TAPBP: variants seen among roughly 807,000 people sequenced by gnomAD.
TAPBP encodes TAP binding protein.
In TAPBP, 38 loss-of-function variants were observed where a neutral mutation model predicts 45.7. The ratio of observed to expected loss-of-function variants is 0.83; its 90% CI spans 0.64 to 1.09. The LOEUF (loss-of-function observed/expected upper bound fraction) is 1.09. Among genes scored for constraint, TAPBP ranks in the 50% least tolerant of loss-of-function variants. The probability of loss-of-function intolerance (pLI) is 0.00; values close to 1 mark genes in which losing one functional copy is unlikely to be tolerated. For missense variants in TAPBP, 513 were observed against 587.3 expected, an observed-to-expected ratio of 0.87 and a Z score of 1.31; for synonymous variants, 226 against 254.8, an observed-to-expected ratio of 0.89 and a Z score of 1.08.
intron 3 of TAPBP, among the ~76,000 whole-genome samples, chr6:33,312,508 T>C (rs1283738169): frequency 2.6e-5 from 4 of 152,192 alleles, no homozygotes; most frequent in African/African-American, 9.7e-5. Context: ...ATTCTTGAAT[T>C]ATCTGCACAG....
chr6:33,299,829 G>A lies in TAPBP; in HGVS notation c.*1931C>T, dbSNP rs1390624478. The A allele has an allele frequency of 6.6e-6, 1 of 152,288 alleles. No individual in the cohort carries two copies. Among genetic ancestry groups the A allele is most frequent in the African/African-American group, 2.4e-5 (1 of 41,456 alleles). The allele number at this position is 152,288 out of a possible 1,614,324, so 9.4% of individuals were successfully genotyped here. A position where few individuals can be genotyped will look rare whatever the true frequency, so the allele number is the denominator to read the frequency against. On this transcript the variant is annotated 3_prime_UTR_variant, in exon 8 of 8. Coordinates refer to ENST00000434618, the MANE Select transcript of TAPBP (RefSeq NM_003190.5). This position sits in a 1 kb window ranked among gnomAD's most constrained non-coding sequence, Gnocchi z 5.0. ...CGTCAACATCCAGCAGCTACTTGAT[G>A]AGCGCCCTCCAGTGGGCCTTAGGTC...
In TAPBP at chr6:33,313,378, G is replaced by A. The variant is rs1232909856; in HGVS notation, c.308C>T (p.Ala103Val). 1.2e-6 allele frequency: 2 copies of A among 1,612,804 alleles called. No homozygotes were observed. Among genetic ancestry groups the A allele is most frequent in the Non-Finnish European group, 1.7e-6 (2 of 1,179,668 alleles). Residue 103 changes from alanine (A) to valine (V), a missense_variant, in exon 3 of 8, where the codon GCG (alanine) becomes GTG (valine). Transcript: ENST00000434618. The surrounding 1 kb of genome is among the most constrained non-coding windows in gnomAD (Gnocchi z 7.2). ...MSRFVPLPAS[A>V]KWASGLTPAQ... ...GGGGGTCAGGCCGCTGGCCCATTTC[G>A]CAGAGGCGGGGAGAGGCACGAAGCG...
chr6:33,312,277 T>C (rs956062417), intron 3 of TAPBP, among the ~76,000 whole-genome samples: 1 of 152,084 alleles, frequency 6.6e-6, no homozygotes. Context: ...GGTTTCAGCG[T>C]GGGTTTCAAG....
At chr6:33,307,298 A>C (rs1363621641) in intron 3 of TAPBP, among the ~76,000 whole-genome samples, 7 of 152,152 alleles carry the variant, frequency 4.6e-5, no homozygotes, top group African/African-American at 1.7e-4. Flanking sequence ...AAAACTAAAT[A>C]AATAAATAAA....
At chr6:33,303,536 C>T in intron 7 of TAPBP, 1 of 566,060 alleles carries the variant, frequency 1.8e-6, no homozygotes, top group Non-Finnish European at 3.1e-6. Context: ...GCAAATATTC[C>T]AAAGTCTGAA....
chr6:33,304,180 A>G lies in TAPBP; in HGVS notation c.1248T>C (p.Leu416=), dbSNP rs2150959869. The G allele has an allele frequency of 3.1e-6, 5 of 1,613,680 alleles. No homozygotes were observed. The highest frequency in any genetic ancestry group is 4.2e-6 in the Non-Finnish European group (5 of 1,179,920). ...CAAGCAGAAGAAAGGCAGACAGGAA[A>G]AGGCCTACGCTGTCCTCAAGGGAGG... ...SGPSLEDSVG[L]FLSAFLLLGL... Residue 416 remains leucine (L), a synonymous_variant, in exon 6 of 8, where the codon CTT becomes CTC. Transcript: ENST00000434618.
intron 3 of TAPBP, among the ~76,000 whole-genome samples, chr6:33,312,702 G>T (rs1179522040): frequency 6.6e-6 from 1 of 152,258 alleles, no homozygotes; most frequent in Non-Finnish European, 1.5e-5. Context: ...AGGTCAACGC[G>T]CTAGAGTGCA....
chr6:33,301,553 G>A lies in TAPBP; in HGVS notation c.*207C>T, dbSNP rs111268855. The A allele has an allele frequency of 2.3e-4, 137 of 587,182 alleles. No individual in the cohort carries two copies. Among genetic ancestry groups the A allele is most frequent in the African/African-American group, 2.0e-3 (103 of 52,446 alleles). 36.4% of individuals were successfully genotyped at this position (587,182 alleles called of 1,614,324 possible). A position where few individuals can be genotyped will look rare whatever the true frequency, so the allele number is the denominator to read the frequency against. On this transcript the variant is annotated 3_prime_UTR_variant, in exon 8 of 8. Coordinates refer to ENST00000434618, the MANE Select transcript of TAPBP (RefSeq NM_003190.5). ...CATGCCACTGCACTGCAGCCTGGGC[G>A]GAAGAGTGAGACTCCGTCTCAAAAA... is the stretch of plus-strand genomic sequence containing the variant.
chr6:33,307,779 C>T (rs146841453), intron 3 of TAPBP, among the ~76,000 whole-genome samples: 1 of 152,172 alleles, frequency 6.6e-6, no homozygotes, highest in East Asian at 1.9e-4. Context: ...TATCCATATG[C>T]AATACAGGGA....
chr6:33,304,935 C>A (rs2071889), intron 4 of TAPBP, 54 bp downstream of exon 4: 816,910 of 1,591,618 alleles, frequency 0.51, 211,658 homozygotes, highest in South Asian at 0.63. Flanking sequence ...TATTACGGTC[C>A]CCACAATCCA....
rs770150271 is a variant in TAPBP at position 33,304,121 on chromosome 6, CACTT to C, written c.1300+3_1300+6del. 67 of 1,612,838 alleles carry C rather than the reference CACTT, an allele frequency of 4.2e-5. No homozygotes were observed. Among genetic ancestry groups the C allele is most frequent in the South Asian group, 2.6e-4 (24 of 90,978 alleles). On this transcript the variant is annotated splice_donor_5th_base_variant and intron_variant, in intron 6 of 7. Coordinates refer to ENST00000434618, the MANE Select transcript of TAPBP (RefSeq NM_003190.5). ...CAGGTCATGGTCAGGGTAGGGCTGA[CACTT>C]ACCAGCCCAGCCCAGTGCCTTGAAG... is the stretch of plus-strand genomic sequence containing the variant.
intron 7 of TAPBP, among the ~76,000 whole-genome samples, chr6:33,302,087 C>T (rs1266575684): frequency 6.6e-6 from 1 of 151,796 alleles, no homozygotes; most frequent in Non-Finnish European, 1.5e-5. Flanking sequence ...TTAAAATAAA[C>T]ACCTGTGTTT....
chr6:33,306,978 CAAAAAAA>C (rs553964427), intron 3 of TAPBP, among the ~76,000 whole-genome samples: 6 of 126,358 alleles, frequency 4.7e-5, no homozygotes, highest in African/African-American at 1.8e-4. Context: ...AACCCCGTTT[CAAAAAAA>C]AAAAAAAAAA....
intron 3 of TAPBP, chr6:33,312,961 C>G: frequency 2.4e-6 from 1 of 412,248 alleles, no homozygotes; most frequent in Non-Finnish European, 4.3e-6. Flanking sequence ...CAGAAAGTAA[C>G]CCCCCTGCCC....
At position 33,301,468 on chromosome 6, in the gene TAPBP, G is replaced by A. The variant is rs1220365780; in HGVS notation, c.*292C>T. 4 of 419,786 alleles carry A rather than the reference G, an allele frequency of 9.5e-6. No individual in the cohort carries two copies. The highest frequency in any genetic ancestry group is 4.0e-5 in the East Asian group (1 of 24,710). The allele number at this position is 419,786 out of a possible 1,614,324, so 26.0% of individuals were successfully genotyped here. A position where few individuals can be genotyped will look rare whatever the true frequency, so the allele number is the denominator to read the frequency against. ...ATGTGCCTGTAATCCCAGCTACTCCGGAGGCTGAAGCCACAGAATTGCTTG... is the reference window on the plus strand; with the variant it reads ...ATGTGCCTGTAATCCCAGCTACTCCAGAGGCTGAAGCCACAGAATTGCTTG... On this transcript the variant is annotated 3_prime_UTR_variant, in exon 8 of 8. Transcript: ENST00000434618.
chr6:33,305,369 G>A lies in TAPBP; in HGVS notation c.488C>T (p.Thr163Ile), dbSNP rs1057290445. 6.5e-7 allele frequency: 1 copy of A among 1,528,566 alleles called. No individual in the cohort carries two copies. Among genetic ancestry groups the A allele is most frequent in the Non-Finnish European group, 8.8e-7 (1 of 1,140,220 alleles). The allele number at this position is 1,528,566 out of a possible 1,614,324, so 94.7% of individuals were successfully genotyped here. A position where few individuals can be genotyped will look rare whatever the true frequency, so the allele number is the denominator to read the frequency against. The change falls in exon 4 of 8, where the codon ACC (threonine) becomes ATC (isoleucine). Residue 163 changes from threonine to isoleucine, a missense_variant. Thr to Ile is a moderately conservative substitution (Grantham distance 89). Transcript: ENST00000434618. This position sits in a 1 kb window ranked among gnomAD's most constrained non-coding sequence, Gnocchi z 4.4. ...TMATVVLTVL[T>I]HTPAPRVRLG... ...TCTCACTCGAGGGGCAGGGGTGTGGGTGAGGACAGTCAGTACCACTGAGGA... is the reference window on the plus strand; with the variant it reads ...TCTCACTCGAGGGGCAGGGGTGTGGATGAGGACAGTCAGTACCACTGAGGA...
intron 3 of TAPBP, among the ~76,000 whole-genome samples, chr6:33,308,672 G>A (rs137951459): frequency 2.6e-5 from 4 of 152,170 alleles, no homozygotes; most frequent in African/African-American, 7.2e-5. Context: ...AGCCAAGGAC[G>A]GCTTGGAATA....
intron 3 of TAPBP, among the ~76,000 whole-genome samples, chr6:33,307,329 GGAAGTCAGCTGATAAAGGCATAGGCT>G: frequency 6.6e-6 from 1 of 150,434 alleles, no homozygotes; most frequent in Non-Finnish European, 1.5e-5. Flanking sequence ...CAAATACCTA[GGAAGTCAGCTGATAAAGGCATAGGCT>G]GAAGCTATAT....
chr6:33,302,568 C>A (rs1283717351), intron 7 of TAPBP, among the ~76,000 whole-genome samples: 1 of 151,978 alleles, frequency 6.6e-6, no homozygotes, highest in Admixed American at 6.6e-5. Context: ...CTCAGGTGAT[C>A]CGCCCTCCTC....
Sources: gnomAD v4.1 joint callset for allele counts (sites outside exome capture counted in the v4.1 genomes callset) on GRCh38, gnomAD v4.1.1 for gene constraint, Gnocchi (gnomAD v3.1) non-coding constraint, MANE v1.5 for transcripts, NCBI Gene and HGNC (gene_info 2026-07-23, HGNC 2026-07-21) for gene names.